ADGRD2: variants seen among roughly 807,000 people sequenced by gnomAD.
ADGRD2 encodes the protein G protein-coupled receptor PGR24.
A neutral mutation model predicts 44.4 loss-of-function variants in ADGRD2; 71 were observed. The ratio of observed to expected loss-of-function variants is 1.60; its 90% CI spans 1.32 to 1.95. The LOEUF (loss-of-function observed/expected upper bound fraction) is 1.95, where lower values mean the gene tolerates loss of function less well. Among genes scored for constraint, ADGRD2 ranks in the 30% most tolerant of loss-of-function variants. The pLI is 0.00. For synonymous variants in ADGRD2, 481 were observed against 224.8 expected, an observed-to-expected ratio of 2.14 and a Z score of -10.19; for missense variants, 1,039 against 512.4, an observed-to-expected ratio of 2.03 and a Z score of -9.92.
intron 10 of ADGRD2, among the ~76,000 whole-genome samples, chr9:124,461,592 T>C (rs866589112): frequency 6.6e-6 from 1 of 152,220 alleles, no homozygotes; most frequent in African/African-American, 2.4e-5. Context: ...TGTCTGCATA[T>C]GTGTAGATCT....
intron 7 of ADGRD2, among the ~76,000 whole-genome samples, chr9:124,456,950 C>G (rs1231556850): frequency 1.3e-5 from 2 of 152,352 alleles, no homozygotes; most frequent in East Asian, 1.9e-4. Flanking sequence ...CTCTAGGAAG[C>G]CTTCCTGTTT....
At chr9:124,451,997 G>GCCGGGGGGGGCCCCCCCCCCCCC, upstream of ADGRD2, 1 of 360,938 alleles carries the variant, frequency 2.8e-6, no homozygotes. Context: ...TCCACTGAAT[G>GCCGGGGGGGGCCCCCCCCCCCCC]CCCCCCTCCC....
intron 19 of ADGRD2, 127 bp downstream of exon 22, chr9:124,475,742 G>A (rs1832038845): frequency 3.6e-6 from 2 of 554,728 alleles, no homozygotes; most frequent in Non-Finnish European, 6.4e-6. Context: ...AGGCCCCCAG[G>A]CCCCTGGGAG....
At chr9:124,475,639 G>T in intron 19 of ADGRD2, 24 bp downstream of exon 22, 1 of 635,398 alleles carries the variant, frequency 1.6e-6, no homozygotes. Flanking sequence ...TGGGGGTGTG[G>T]GTGGGGGCGG....
At chr9:124,468,648 C>G (rs762716045) in exon 14 of ADGRD2, 3 of 717,512 alleles carry the variant, frequency 4.2e-6, no homozygotes, top group South Asian at 3.0e-5. Context: ...CCCAGGCATG[C>G]GGCTCTACCA....
In ADGRD2 at chr9:124,452,576, T is replaced by TA. The variant is rs1202995883; in HGVS notation, c.135_136insA (p.Ser47GlufsTer22). The TA allele has an allele frequency of 2.8e-6, 2 of 718,418 alleles. No homozygotes were observed. Among genetic ancestry groups the TA allele is most frequent in the African/African-American group, 3.5e-5 (2 of 57,264 alleles). 44.5% of individuals were successfully genotyped at this position (718,418 alleles called of 1,614,324 possible). On this transcript the variant is annotated frameshift_variant, in exon 2 of 22. Transcript: ENST00000334810. LOFTEE classifies it high-confidence loss of function. ...GTGTGCAAGTTCTCTGGACAGCGAC[T>TA]GAGCTGGTGGCAGGCCCAAGAGTCC... is the stretch of plus-strand genomic sequence containing the variant.
chr9:124,453,614 C>T (rs775802538), exon 3 of ADGRD2: 26 of 700,982 alleles, frequency 3.7e-5, no homozygotes, highest in South Asian at 3.0e-4. Context: ...CGCTGGGACC[C>T]GGGCGCCCTG....
chr9:124,462,921 T>TTC (rs576460785), intron 10 of ADGRD2, among the ~76,000 whole-genome samples: 2 of 142,824 alleles, frequency 1.4e-5, no homozygotes, highest in African/African-American at 5.5e-5. Context: ...CTTCCTGACT[T>TTC]TCTCTCTCTC....
chr9:124,452,359 G>A (rs192366067), intron 1 of ADGRD2, 151 bp from the exon 5 acceptor site: 1 of 651,354 alleles, frequency 1.5e-6, no homozygotes, highest in Non-Finnish European at 2.8e-6. Context: ...AGCTCTGCAA[G>A]AGGACAGGAC....
Position 124,454,890 on chromosome 9 carries a change from G to T in ADGRD2, c.1158G>T (p.Ala386=). 1 of 713,136 alleles carries T rather than the reference G, an allele frequency of 1.4e-6. No homozygotes were observed. 44.2% of individuals were successfully genotyped at this position (713,136 alleles called of 1,614,324 possible). A position where few individuals can be genotyped will look rare whatever the true frequency, so the allele number is the denominator to read the frequency against. ...AAGTCCATGGGGCCCTGTCCCCAGC[G>T]GAGGCCTCCAGCTTCCTGGGCCTTC... is the stretch of plus-strand genomic sequence containing the variant. Residue 386 remains alanine (A), a synonymous_variant, in exon 6 of 22, where the codon GCG becomes GCT. Transcript: ENST00000334810. The surrounding 1 kb of genome is among the most constrained non-coding windows in gnomAD (Gnocchi z 4.5).
intron 3 of ADGRD2, 126 bp downstream of exon 6, chr9:124,453,802 G>A: frequency 1.6e-6 from 1 of 611,488 alleles, no homozygotes; most frequent in East Asian, 2.8e-5. Flanking sequence ...CCAGGCCGCA[G>A]TGCCTGCAAG....
exon 14 of ADGRD2, chr9:124,468,611 G>A (rs1455608247): frequency 4.2e-6 from 3 of 718,488 alleles, no homozygotes; most frequent in South Asian, 1.5e-5. Flanking sequence ...TGTGGAGGAA[G>A]GTGGTAGCTG....
chr9:124,476,132 A>G (rs1832045561), intron 19 of ADGRD2, among the ~76,000 whole-genome samples: 1 of 152,096 alleles, frequency 6.6e-6, no homozygotes, highest in Non-Finnish European at 1.5e-5. Context: ...CATGGGTTGA[A>G]TGACTTCGAG....
exon 17 of ADGRD2, chr9:124,470,515 G>T: frequency 1.4e-6 from 1 of 711,294 alleles, no homozygotes. Flanking sequence ...AGCCCGTGCT[G>T]GTCCTGCTGC....
intron 10 of ADGRD2, among the ~76,000 whole-genome samples, chr9:124,463,416 G>T (rs1028607727): frequency 6.6e-6 from 1 of 152,126 alleles, no homozygotes; most frequent in Non-Finnish European, 1.5e-5. Context: ...TTATGTTTAT[G>T]TTCATGAATA....
Position 124,455,589 on chromosome 9 carries a change from C to CAA in ADGRD2, c.1393+476_1393+477dup, listed in dbSNP as rs34178298. On this transcript the variant is annotated intron_variant, in intron 6 of 21. Coordinates refer to ENST00000334810, the Ensembl canonical transcript of ADGRD2. ...TGGGTGACAGAGTGAGACTCTGTCT[C>CAA]AAAAAAAAAAAAAAATTGCACTTTA... Among the ~76,000 whole-genome samples the CAA allele has an allele frequency of 1.9e-3, 268 of 142,738 alleles. 1 individual carries two copies. The highest frequency in any genetic ancestry group is 6.0e-3 in the African/African-American group (231 of 38,200). 93.6% of individuals were successfully genotyped at this position (142,738 alleles called of 152,430 possible). A position where few individuals can be genotyped will look rare whatever the true frequency, so the allele number is the denominator to read the frequency against.
chr9:124,455,177 C>G (rs765541876), intron 6 of ADGRD2, 50 bp downstream of exon 9: 62 of 628,420 alleles, frequency 9.9e-5, no homozygotes, highest in Non-Finnish European at 1.5e-4. Context: ...ATGGTTCCAG[C>G]CTAGCCACCA....
Position 124,453,677 on chromosome 9 carries a change from G to A in ADGRD2, c.923+1G>A. The stretch of plus-strand genomic sequence containing the variant: ...GTGTGGGTGCGCCTTCTCTGTCCCG[G>A]TACGACCCGCCCCGCCCCGGCCCCA... On this transcript the variant is annotated splice_donor_variant, in intron 3 of 21. Transcript: ENST00000334810. LOFTEE classifies it high-confidence loss of function. 1.4e-6 allele frequency: 1 copy of A among 698,958 alleles called. No homozygotes were observed. The highest frequency in any genetic ancestry group is 2.6e-6 in the Non-Finnish European group (1 of 383,364). 43.3% of individuals were successfully genotyped at this position (698,958 alleles called of 1,614,324 possible). A position where few individuals can be genotyped will look rare whatever the true frequency, so the allele number is the denominator to read the frequency against.
chr9:124,454,993 G>C lies in ADGRD2; in HGVS notation c.1261G>C (p.Val421Leu). The change falls in exon 6 of 22, where the codon GTG becomes CTG. Residue 421 changes from valine to leucine, a missense_variant. Val to Leu is a conservative substitution (Grantham distance 32, BLOSUM62 1). Coordinates refer to ENST00000334810, the Ensembl canonical transcript of ADGRD2. The surrounding 1 kb of genome is among the most constrained non-coding windows in gnomAD (Gnocchi z 4.5). ...GGCTGTTGTCCGCTTCCTGAAGAGG[G>C]TGGTGGCCCTCGGGGCTGGGGACCC... 2.8e-6 allele frequency: 2 copies of C among 718,374 alleles called. No homozygotes were observed. Among genetic ancestry groups the C allele is most frequent in the South Asian group, 3.0e-5 (2 of 67,600 alleles). The allele number at this position is 718,374 out of a possible 1,614,324, so 44.5% of individuals were successfully genotyped here.
Sources: gnomAD v4.1 joint callset for allele counts (sites outside exome capture counted in the v4.1 genomes callset) on GRCh38, gnomAD v4.1.1 for gene constraint, Gnocchi (gnomAD v3.1) non-coding constraint, MANE v1.5 for transcripts, NCBI Gene and HGNC (gene_info 2026-07-23, HGNC 2026-07-21) for gene names.